The following MAPK8IP2 variants were observed in gnomAD, a reference collection of about 807,000 sequenced individuals.
The protein encoded by MAPK8IP2 is mitogen-activated protein kinase 8 interacting protein 2.
In MAPK8IP2, 15 loss-of-function variants were observed where a neutral mutation model predicts 75.6. The ratio of observed to expected loss-of-function variants is 0.20; its 90% CI spans 0.13 to 0.31. MAPK8IP2 has a LOEUF of 0.31. Among genes scored for constraint, MAPK8IP2 ranks in the 10% least tolerant of loss-of-function variants. The probability of loss-of-function intolerance (pLI) is 1.00; values close to 1 mark genes in which losing one functional copy is unlikely to be tolerated. For synonymous variants in MAPK8IP2, 632 were observed against 554.5 expected, an observed-to-expected ratio of 1.14 and a Z score of -1.96; for missense variants, 1,089 against 1,211.2, an observed-to-expected ratio of 0.90 and a Z score of 1.50.
At chr22:50,601,650 G>C in intron 1 of MAPK8IP2, 139 bp from the exon 2 acceptor site, 1 of 635,810 alleles carries the variant, frequency 1.6e-6, no homozygotes, top group South Asian at 1.8e-5. Flanking sequence ...CAAGATGATG[G>C]CAGGATGTGT....
rs1235057091 is a variant in MAPK8IP2, at chr22:50,610,874, T to C, written c.*95T>C. 2.4e-5 allele frequency: 27 copies of C among 1,128,566 alleles called. No individual in the cohort carries two copies. Among genetic ancestry groups the C allele is most frequent in the Non-Finnish European group, 3.3e-5 (26 of 784,006 alleles). The allele number at this position is 1,128,566 out of a possible 1,614,324, so 69.9% of individuals were successfully genotyped here. On this transcript the variant is annotated 3_prime_UTR_variant, in exon 12 of 12. Transcript: ENST00000329492. The surrounding 1 kb of genome is among the most constrained non-coding windows in gnomAD (Gnocchi z 4.3). ...CACCATGGCTTTGGCAAGGACTGGA[T>C]TGGGGGGACATGGGACCTTACGCTT...
At position 50,610,175 on chromosome 22, in the gene MAPK8IP2, G is replaced by A; in HGVS notation, c.2304-37G>A. 1.3e-6 allele frequency: 2 copies of A among 1,523,986 alleles called. No individual in the cohort carries two copies. The highest frequency in any genetic ancestry group is 1.8e-6 in the Non-Finnish European group (2 of 1,113,906). 94.4% of individuals were successfully genotyped at this position (1,523,986 alleles called of 1,614,324 possible). On this transcript the variant is annotated intron_variant, in intron 10 of 11. Coordinates refer to ENST00000329492, the MANE Select transcript of MAPK8IP2 (RefSeq NM_012324.6). The surrounding 1 kb of genome is among the most constrained non-coding windows in gnomAD (Gnocchi z 4.3). ...TTGTGGGGTGGCCAAGGCTGGGCCA[G>A]GGCTCTGACGTGCCCTCCACACTGA...
Position 50,605,837 on chromosome 22 carries a change from G to A in MAPK8IP2, c.2027G>A (p.Ser676Asn). The A allele has an allele frequency of 6.3e-7, 1 of 1,587,884 alleles. No homozygotes were observed. Among genetic ancestry groups the A allele is most frequent in the Non-Finnish European group, 8.6e-7 (1 of 1,168,320 alleles). Reference sequence around the variant, plus strand: ...CCCCGCTCCCCAGGGAGTAAGCGGAGCCCCTGCTGGGTGGAGCGCTTTGAC... The same window carrying A: ...CCCCGCTCCCCAGGGAGTAAGCGGAACCCCTGCTGGGTGGAGCGCTTTGAC... ...PAKDLLGSKR[S>N]PCWVERFDVQ... The change falls in exon 8 of 12, where the codon AGC becomes AAC. Residue 676 changes from serine to asparagine, a missense_variant. Coordinates refer to ENST00000329492, the MANE Select transcript of MAPK8IP2 (RefSeq NM_012324.6).
chr22:50,610,303 A>T lies in MAPK8IP2; in HGVS notation c.2395A>T (p.Ser799Cys). The T allele has an allele frequency of 6.2e-7, 1 of 1,602,254 alleles. No individual in the cohort carries two copies. Among genetic ancestry groups the T allele is most frequent in the Non-Finnish European group, 8.5e-7 (1 of 1,174,564 alleles). The change falls in exon 11 of 12, where the codon AGT becomes TGT. Residue 799 changes from serine (S) to cysteine (C), a missense_variant. Ser to Cys is a moderately radical substitution (Grantham distance 112). Transcript: ENST00000329492. This position sits in a 1 kb window ranked among gnomAD's most constrained non-coding sequence, Gnocchi z 4.3. ...GGAGTCCATGAGGCCGGTGGCGCAG[A>T]GTGTGGGGTGAGTGGGGCCCCAGGG... ...SQESMRPVAQ[S>C]VGRAFLEYYQ...
chr22:50,607,901 C>T lies in MAPK8IP2; in HGVS notation c.2303+910C>T, dbSNP rs1191721600. On this transcript the variant is annotated intron_variant, in intron 10 of 11. Coordinates refer to ENST00000329492, the MANE Select transcript of MAPK8IP2 (RefSeq NM_012324.6). This position sits in a 1 kb window ranked among gnomAD's most constrained non-coding sequence, Gnocchi z 5.6. Reference sequence around the variant, plus strand: ...AGGTGCTGGCATAGGAGCAGCAGGCCAAGGGGGGCTGCCAGCTTCCCTCCA... The same window carrying T: ...AGGTGCTGGCATAGGAGCAGCAGGCTAAGGGGGGCTGCCAGCTTCCCTCCA... Among the ~76,000 whole-genome samples the T allele has an allele frequency of 6.6e-6, 1 of 151,970 alleles. No individual in the cohort carries two copies. Among genetic ancestry groups the T allele is most frequent in the Non-Finnish European group, 1.5e-5 (1 of 67,964 alleles).
rs778822228 is a variant in MAPK8IP2, at chr22:50,607,831, C to T, written c.2303+840C>T. Among the ~76,000 whole-genome samples, 2 of 151,840 alleles carry T rather than the reference C, an allele frequency of 1.3e-5. No homozygotes were observed. Among genetic ancestry groups the T allele is most frequent in the Admixed American group, 6.6e-5 (1 of 15,262 alleles). On this transcript the variant is annotated intron_variant, in intron 10 of 11. Transcript: ENST00000329492. This position sits in a 1 kb window ranked among gnomAD's most constrained non-coding sequence, Gnocchi z 5.6. ...GGTCAGAGCAGGTAGATCACTGAGA[C>T]GAGAGGGGAATGGCCAGGCAGGGTG... is the stretch of plus-strand genomic sequence containing the variant.
In MAPK8IP2 at chr22:50,606,364, C is replaced by T. The variant is rs975387954; in HGVS notation, c.2125-294C>T. 4.6e-5 allele frequency among the ~76,000 whole-genome samples: 7 copies of T among 152,240 alleles called. No individual in the cohort carries two copies. The East Asian group carries it at 7.8e-4, about 17-fold the overall frequency. The stretch of plus-strand genomic sequence containing the variant: ...GGGGGCAGTAGGGAGCAGGGCAGAG[C>T]AGCCCAGGGCGGGTGAGGTCTCTGT... On this transcript the variant is annotated intron_variant, in intron 8 of 11. Coordinates refer to ENST00000329492, the MANE Select transcript of MAPK8IP2 (RefSeq NM_012324.6).
chr22:50,607,282 A>T lies in MAPK8IP2; in HGVS notation c.2303+291A>T, dbSNP rs771554357. On this transcript the variant is annotated intron_variant, in intron 10 of 11. Coordinates refer to ENST00000329492, the MANE Select transcript of MAPK8IP2 (RefSeq NM_012324.6). The surrounding 1 kb of genome is among the most constrained non-coding windows in gnomAD (Gnocchi z 5.6). ...GGACGCCTGAGTGGGCCTGGGGCTC[A>T]GGATGGCCAGCCTGGAAACACAGCA... is the stretch of plus-strand genomic sequence containing the variant. Among the ~76,000 whole-genome samples the T allele has an allele frequency of 1.6e-4, 25 of 152,180 alleles. No homozygotes were observed. Among genetic ancestry groups the T allele is most frequent in the Admixed American group, 6.5e-4 (10 of 15,282 alleles).
intron 1 of MAPK8IP2, 47 bp downstream of exon 1, chr22:50,600,930 C>G: frequency 1.1e-6 from 1 of 920,310 alleles, no homozygotes; most frequent in Non-Finnish European, 1.4e-6. Context: ...GCTCCCTGCG[C>G]ACCCCCCCGA....
intron 10 of MAPK8IP2, among the ~76,000 whole-genome samples, chr22:50,609,384 C>T (rs1052729516): frequency 1.3e-5 from 2 of 152,172 alleles, no homozygotes; most frequent in Non-Finnish European, 2.9e-5. Flanking sequence ...ATGGAAAGGG[C>T]AGAGGATGGT....
rs1569064603 is a variant in MAPK8IP2 at position 50,604,336 on chromosome 22, A to C, written c.1037A>C (p.Asp346Ala). The C allele has an allele frequency of 6.5e-7, 1 of 1,535,790 alleles. No individual in the cohort carries two copies. The highest frequency in any genetic ancestry group is 2.5e-5 in the East Asian group (1 of 40,790). ...ESEPDLSEDA[D>A]SPWLLSNLVS... is the part of the protein sequence containing the mutation. Reference sequence around the variant, plus strand: ...GAGCCGGACCTCAGCGAGGACGCGGACTCGCCCTGGCTGCTCAGCAACCTG... The same window carrying C: ...GAGCCGGACCTCAGCGAGGACGCGGCCTCGCCCTGGCTGCTCAGCAACCTG... The change falls in exon 5 of 12, where the codon GAC (aspartate) becomes GCC (alanine). Residue 346 changes from aspartate (D) to alanine (A), a missense_variant. Asp to Ala is a moderately radical substitution (Grantham distance 126, BLOSUM62 -2). Transcript: ENST00000329492.
chr22:50,610,685 G>A lies in MAPK8IP2; in HGVS notation c.2403-22G>A. 6.3e-7 allele frequency: 1 copy of A among 1,593,700 alleles called. No individual in the cohort carries two copies. The highest frequency in any genetic ancestry group is 1.1e-5 in the South Asian group (1 of 88,554). On this transcript the variant is annotated intron_variant, in intron 11 of 11. Transcript: ENST00000329492. The surrounding 1 kb of genome is among the most constrained non-coding windows in gnomAD (Gnocchi z 4.3). ...GTTGAGGACCGGCCCTGAGTGGCTG[G>A]TGGAGGACCGTCTTTCCCCAGCCGC...
Position 50,607,337 on chromosome 22 carries a change from T to C in MAPK8IP2, c.2303+346T>C, listed in dbSNP as rs548356443. Among the ~76,000 whole-genome samples, 318 of 152,172 alleles carry C rather than the reference T, an allele frequency of 2.1e-3. 5 individuals are homozygous for C. The highest frequency in any genetic ancestry group is 7.5e-3 in the African/African-American group (310 of 41,524). On this transcript the variant is annotated intron_variant, in intron 10 of 11. Coordinates refer to ENST00000329492, the MANE Select transcript of MAPK8IP2 (RefSeq NM_012324.6). This position sits in a 1 kb window ranked among gnomAD's most constrained non-coding sequence, Gnocchi z 5.6. ...ACAGCGGTGGGGAAGTGGATCTTCC[T>C]GGTGGGGTCTAGCTGAGCCAAGGGT...
At position 50,610,892 on chromosome 22, in the gene MAPK8IP2, T is replaced by G. The variant is rs183337968; in HGVS notation, c.*113T>G. The stretch of plus-strand genomic sequence containing the variant: ...GACTGGATTGGGGGGACATGGGACC[T>G]TACGCTTGTGGGGGTCTGCGGGCTG... On this transcript the variant is annotated 3_prime_UTR_variant, in exon 12 of 12. Transcript: ENST00000329492. The surrounding 1 kb of genome is among the most constrained non-coding windows in gnomAD (Gnocchi z 4.3). 2.6e-5 allele frequency: 24 copies of G among 914,568 alleles called. No homozygotes were observed. Among genetic ancestry groups the G allele is most frequent in the Non-Finnish European group, 3.6e-5 (22 of 608,364 alleles). The allele number at this position is 914,568 out of a possible 1,614,324, so 56.7% of individuals were successfully genotyped here.
chr22:50,605,166 C>G, intron 5 of MAPK8IP2, 102 bp downstream of exon 5: 2 of 1,410,266 alleles, frequency 1.4e-6, no homozygotes, highest in South Asian at 2.4e-5. Flanking sequence ...ACCTGAGGGT[C>G]TGGCTGTGGT....
chr22:50,609,480 CTCTG>C (rs1256105173), intron 10 of MAPK8IP2, among the ~76,000 whole-genome samples: 3 of 152,102 alleles, frequency 2.0e-5, no homozygotes, highest in Non-Finnish European at 4.4e-5. Flanking sequence ...GGGCCCTGTG[CTCTG>C]TCTGTGGACA....
rs374439939 is a variant in MAPK8IP2 at position 50,610,240 on chromosome 22, C to A, written c.2332C>A (p.Leu778Met). 6.2e-7 allele frequency: 1 copy of A among 1,602,822 alleles called. No homozygotes were observed. The highest frequency in any genetic ancestry group is 1.7e-5 in the Admixed American group (1 of 58,152). ...TTTCGGCTTCATCACCAAACACCCCCTGCTGAGCCGCTTCGCCTGCCACGT... is the reference window on the plus strand; with the variant it reads ...TTTCGGCTTCATCACCAAACACCCCATGCTGAGCCGCTTCGCCTGCCACGT... ...CYFGFITKHP[L>M]LSRFACHVFV... is the part of the protein sequence containing the mutation. The change falls in exon 11 of 12, where the codon CTG becomes ATG. Residue 778 changes from leucine (L) to methionine (M), a missense_variant. Coordinates refer to ENST00000329492, the MANE Select transcript of MAPK8IP2 (RefSeq NM_012324.6). The surrounding 1 kb of genome is among the most constrained non-coding windows in gnomAD (Gnocchi z 4.3).
intron 6 of MAPK8IP2, 39 bp from the exon 7 acceptor site, chr22:50,605,523 T>TGGGGGGGGG: frequency 1.3e-6 from 1 of 754,648 alleles, no homozygotes; most frequent in Non-Finnish European, 2.2e-6. Flanking sequence ...CGACCGTCAA[T>TGGGGGGGGG]CCCGCCCCCC....
chr22:50,603,084 C>A, intron 2 of MAPK8IP2, 139 bp from the exon 3 acceptor site: 1 of 1,549,892 alleles, frequency 6.5e-7, no homozygotes, highest in Non-Finnish European at 8.7e-7. Context: ...AAAACATCGC[C>A]CTGTAGACAG....
Sources: gnomAD v4.1 joint callset for allele counts (sites outside exome capture counted in the v4.1 genomes callset) on GRCh38, gnomAD v4.1.1 for gene constraint, Gnocchi (gnomAD v3.1) non-coding constraint, MANE v1.5 for transcripts, NCBI Gene and HGNC (gene_info 2026-07-23, HGNC 2026-07-21) for gene names.